Variants in SNF8 observed in about 807,000 individuals in gnomAD.
SNF8 encodes the protein SNF8 subunit of ESCRT-II, also known as vacuolar-sorting protein SNF8.
SNF8 carries 19 observed loss-of-function variants against 36.8 expected under a neutral mutation model. The ratio of observed to expected loss-of-function variants is 0.52; its 90% confidence interval spans 0.36 to 0.76. SNF8 has a LOEUF of 0.76. Ranked by LOEUF, SNF8 falls within the 30% of genes least tolerant of loss-of-function variation. The probability of loss-of-function intolerance (pLI) is 0.00; values close to 1 mark genes in which losing one functional copy is unlikely to be tolerated. For synonymous variants in SNF8, 127 were observed against 127.4 expected, an observed-to-expected ratio of 1.00 and a Z score of 0.02; for missense variants, 268 against 322.9, an observed-to-expected ratio of 0.83 and a Z score of 1.30.
intron 5 of SNF8, chr17:48,933,553 G>A: frequency 3.5e-6 from 2 of 574,614 alleles, no homozygotes; most frequent in Non-Finnish European, 6.2e-6. Context: ...ACCAGCCTGG[G>A]CAACACAGCA....
intron 5 of SNF8, 120 bp from the exon 6 acceptor site, chr17:48,933,466 G>A (rs1003118376): frequency 2.6e-5 from 29 of 1,133,988 alleles, no homozygotes; most frequent in Admixed American, 7.9e-5. Flanking sequence ...ACTGCCAGGC[G>A]CAATGGCTCA....
rs2041013559 is a variant in SNF8 at position 48,940,939 on chromosome 17, C to T, written c.229G>A (p.Val77Met). The T allele has an allele frequency of 5.0e-6, 8 of 1,612,342 alleles. No individual in the cohort carries two copies. The highest frequency in any genetic ancestry group is 1.3e-5 in the African/African-American group (1 of 74,988). ...QFQDMCATIG[V>M]DPLASGKGFW... is the part of the protein sequence containing the mutation. ...AACTTCTTACAGGCCAGCGGATCCACGCCAATGGTTGCACACATGTCCTGG... is the reference window on the plus strand; with the variant it reads ...AACTTCTTACAGGCCAGCGGATCCATGCCAATGGTTGCACACATGTCCTGG... The change falls in exon 3 of 8, where the codon GTG becomes ATG. Residue 77 changes from valine (V) to methionine (M), a missense_variant. Val to Met is a conservative substitution (Grantham distance 21, BLOSUM62 1). Transcript: ENST00000502492.
chr17:48,936,991 T>C (rs759995685), intron 4 of SNF8, 29 bp downstream of exon 4: 1 of 1,498,132 alleles, frequency 6.7e-7, no homozygotes. Context: ...AAGTCCAGAG[T>C]CCAGTTCACA....
At chr17:48,940,022 C>T (rs549715394) in intron 3 of SNF8, among the ~76,000 whole-genome samples, 9 of 143,468 alleles carry the variant, frequency 6.3e-5, no homozygotes, top group Admixed American at 5.9e-4. Context: ...TTGCAGTGAG[C>T]CAAGATGGCA....
intron 7 of SNF8, 139 bp from the exon 8 acceptor site, chr17:48,930,751 C>A (rs2040847127): frequency 1.2e-6 from 1 of 864,416 alleles, no homozygotes; most frequent in East Asian, 2.6e-5. Context: ...AACCTTTACA[C>A]AACCAACTAA....
At position 48,941,988 on chromosome 17, in the gene SNF8, G is replaced by A. The variant is rs146759703; in HGVS notation, c.106-926C>T. ...TTACAGATGTGAGCCACCGCACAGG[G>A]CCAATCAATCAATCAACCAATATAA... On this transcript the variant is annotated intron_variant, in intron 2 of 7. Transcript: ENST00000502492. Among the ~76,000 whole-genome samples the A allele has an allele frequency of 3.7e-3, 556 of 151,984 alleles. 3 individuals are homozygous for A. Among genetic ancestry groups the A allele is most frequent in the East Asian group, 0.019 (98 of 5,172 alleles).
rs1056741392 is a variant in SNF8 at position 48,941,085 on chromosome 17, T to A, written c.106-23A>T. ...CATCTGTTGGATGGACAGGGAGTGG[T>A]GAAGGGCAGCCCAGCCAAATGATAA... On this transcript the variant is annotated intron_variant, in intron 2 of 7. Coordinates refer to ENST00000502492, the MANE Select transcript of SNF8 (RefSeq NM_007241.4). 2.5e-6 allele frequency: 4 copies of A among 1,608,790 alleles called. No homozygotes were observed. The African/African-American group carries it at 5.3e-5, about 22-fold the overall frequency.
chr17:48,936,285 C>T lies in SNF8; in HGVS notation c.350-43G>A, dbSNP rs114394829. The T allele has an allele frequency of 6.3e-4, 930 of 1,475,242 alleles. 5 individuals are homozygous for T. The African/African-American group carries it at 9.1e-3, about 14-fold the overall frequency. 91.4% of individuals were successfully genotyped at this position (1,475,242 alleles called of 1,614,324 possible). ...ACAGAAATCAGAAAAAGAGATTACC[C>T]ACTTTAAATAAGTTGACAGTCATTA... On this transcript the variant is annotated intron_variant, in intron 4 of 7. Coordinates refer to ENST00000502492, the MANE Select transcript of SNF8 (RefSeq NM_007241.4).
intron 3 of SNF8, among the ~76,000 whole-genome samples, chr17:48,939,757 G>A (rs530632006): frequency 6.6e-6 from 1 of 151,584 alleles, no homozygotes; most frequent in South Asian, 2.1e-4. Flanking sequence ...CGCGCCCGGT[G>A]AATAATTTTT....
intron 3 of SNF8, among the ~76,000 whole-genome samples, chr17:48,939,033 T>C (rs1598090546): frequency 6.6e-6 from 1 of 150,470 alleles, no homozygotes; most frequent in East Asian, 2.0e-4. Flanking sequence ...CCGAGGCGGG[T>C]GGATCACGAG....
intron 5 of SNF8, chr17:48,934,531 G>T: frequency 5.4e-6 from 1 of 186,030 alleles, no homozygotes; most frequent in Non-Finnish European, 1.2e-5. Context: ...TTGAACCCAG[G>T]AGGCGGAGGT....
chr17:48,939,935 T>C (rs940051164), intron 3 of SNF8, among the ~76,000 whole-genome samples: 3 of 151,478 alleles, frequency 2.0e-5, no homozygotes, highest in Non-Finnish European at 2.9e-5. Flanking sequence ...ATTAGCCAGA[T>C]TTGGTGGTGC....
chr17:48,940,096 T>G (rs1166651840), intron 3 of SNF8, among the ~76,000 whole-genome samples: 10 of 150,776 alleles, frequency 6.6e-5, no homozygotes, highest in African/African-American at 2.4e-4. Context: ...AAAAAAAATT[T>G]TTTTTTTAAA....
chr17:48,941,509 C>A (rs181731835), intron 2 of SNF8, among the ~76,000 whole-genome samples: 15 of 151,932 alleles, frequency 9.9e-5, no homozygotes, highest in Admixed American at 7.2e-4. Flanking sequence ...AATCTTTACC[C>A]CCCCCAGCCG....
intron 4 of SNF8, 75 bp from the exon 5 acceptor site, chr17:48,936,317 C>A: frequency 8.7e-7 from 1 of 1,154,482 alleles, no homozygotes. Flanking sequence ...ATTACAATTC[C>A]AGTGGCCTAC....
intron 4 of SNF8, chr17:48,936,588 C>T (rs2040937598): frequency 6.4e-6 from 2 of 312,012 alleles, no homozygotes; most frequent in African/African-American, 4.3e-5. Context: ...CACCATTTAA[C>T]GTGCTTACTA....
At chr17:48,941,557 G>C (rs2041024903) in intron 2 of SNF8, among the ~76,000 whole-genome samples, 1 of 152,062 alleles carries the variant, frequency 6.6e-6, no homozygotes, top group South Asian at 2.1e-4. Context: ...AGCGTCACAT[G>C]AATCTGTTTA....
intron 3 of SNF8, among the ~76,000 whole-genome samples, chr17:48,938,496 CAAAA>C (rs11339083): frequency 3.5e-5 from 4 of 113,998 alleles, no homozygotes; most frequent in Non-Finnish European, 5.2e-5. Flanking sequence ...AACTCCATCT[CAAAA>C]AAAAAAAAAA....
At position 48,933,296 on chromosome 17, in the gene SNF8, A is replaced by T; in HGVS notation, c.473T>A (p.Phe158Tyr). Residue 158 changes from phenylalanine (F) to tyrosine (Y), a missense_variant, in exon 6 of 8, where the codon TTC (phenylalanine) becomes TAC (tyrosine). By Grantham distance (22) the Phe-to-Tyr change is conservative (BLOSUM62 3). Transcript: ENST00000502492. ...IKKLKALGTG[F>Y]GIIPVGGTYL... The stretch of plus-strand genomic sequence containing the variant: ...AGTGCCGCCCACAGGGATGATGCCG[A>T]AGCCAGTGCCAAGTGCCTTTAGTTT... The T allele has an allele frequency of 6.2e-7, 1 of 1,614,202 alleles. No individual in the cohort carries two copies. Among genetic ancestry groups the T allele is most frequent in the East Asian group, 2.2e-5 (1 of 44,884 alleles).
Sources: allele counts gnomAD v4.1 joint callset (sites outside exome capture counted in the v4.1 genomes callset), GRCh38; gene constraint gnomAD v4.1.1; transcripts MANE v1.5; gene names NCBI Gene and HGNC (gene_info 2026-07-23, HGNC 2026-07-21).